The following PCDHA8 variants were observed in gnomAD, a reference collection of about 807,000 sequenced individuals.
PCDHA8 encodes protocadherin alpha 8, also known as protocadherin alpha-8.
In PCDHA8, 53 loss-of-function variants were observed where a neutral mutation model predicts 61.8. The ratio of observed to expected loss-of-function variants is 0.86; its 90% CI spans 0.69 to 1.08. PCDHA8 has a LOEUF of 1.08. Ranked by LOEUF, PCDHA8 falls within the 50% of genes least tolerant of loss-of-function variation. The pLI is 0.00. For missense variants in PCDHA8, 1,293 were observed against 1,245.0 expected, an observed-to-expected ratio of 1.04 and a Z score of -0.58; for synonymous variants, 618 against 556.6, an observed-to-expected ratio of 1.11 and a Z score of -1.55.
chr5:140,876,873 C>G (rs781921402), intron 1 of PCDHA8: 1 of 1,614,128 alleles, frequency 6.2e-7, no homozygotes, highest in Non-Finnish European at 8.5e-7. Context: ...TGAAGGAGAA[C>G]AACCCGCCGG....
intron 1 of PCDHA8, among the ~76,000 whole-genome samples, chr5:140,921,271 A>C (rs1190111273): frequency 1.3e-5 from 2 of 152,142 alleles, no homozygotes; most frequent in East Asian, 1.9e-4. Flanking sequence ...TTTTATACTT[A>C]CTTGAAAAAA....
At chr5:140,929,530 G>A in intron 1 of PCDHA8, 1 of 636,248 alleles carries the variant, frequency 1.6e-6, no homozygotes, top group Non-Finnish European at 2.3e-6. Flanking sequence ...GTTTATTTTT[G>A]AGAAACAAGG....
At position 140,856,180 on chromosome 5, in the gene PCDHA8, G is replaced by C; in HGVS notation, c.2394+12465G>C. ...AGGAGGCCAGACACGGCACCTTCGT[G>C]GGCCGCATCGCGCAGGACCTGGGGC... On this transcript the variant is annotated intron_variant, in intron 1 of 3. Coordinates refer to ENST00000531613, the MANE Select transcript of PCDHA8 (RefSeq NM_018911.3). The C allele has an allele frequency of 3.1e-6, 5 of 1,598,262 alleles. 1 individual carries two copies. Among genetic ancestry groups the C allele is most frequent in the Non-Finnish European group, 4.3e-6 (5 of 1,167,898 alleles).
At chr5:140,938,538 AT>A (rs1278860544) in intron 1 of PCDHA8, among the ~76,000 whole-genome samples, 1 of 135,490 alleles carries the variant, frequency 7.4e-6, no homozygotes, top group Non-Finnish European at 1.6e-5. Context: ...GATAATATGG[AT>A]TTTTATCCTT....
chr5:140,969,147 A>G (rs781909774), intron 1 of PCDHA8: 1 of 1,614,172 alleles, frequency 6.2e-7, no homozygotes, highest in Non-Finnish European at 8.5e-7. Flanking sequence ...TACTGCTACA[A>G]GGCCTGTCTG....
chr5:140,943,491 G>A (rs1387185924), intron 1 of PCDHA8, among the ~76,000 whole-genome samples: 4 of 151,986 alleles, frequency 2.6e-5, no homozygotes, highest in Non-Finnish European at 5.9e-5. Context: ...ATAAATAGAT[G>A]CTATCAAGGT....
At chr5:140,875,397 G>T in intron 1 of PCDHA8, 2 of 1,480,686 alleles carry the variant, frequency 1.4e-6, no homozygotes, top group South Asian at 1.4e-5. Flanking sequence ...AGAAAAGGGT[G>T]ACTGCTCATA....
intron 1 of PCDHA8, chr5:140,927,190 G>A (rs1554204161): frequency 6.2e-7 from 1 of 1,614,156 alleles, no homozygotes; most frequent in South Asian, 1.1e-5. Context: ...CTACGACCTG[G>A]TGCTCGAGGA....
chr5:140,971,999 A>G (rs543282950), intron 1 of PCDHA8, among the ~76,000 whole-genome samples: 18 of 152,302 alleles, frequency 1.2e-4, no homozygotes, highest in African/African-American at 3.8e-4. Flanking sequence ...TCCAATGTTT[A>G]TATTCCCTTT....
chr5:140,857,164 C>A (rs782269515), intron 1 of PCDHA8: 3 of 1,598,230 alleles, frequency 1.9e-6, no homozygotes, highest in South Asian at 1.1e-5. Context: ...CCCTAATCAG[C>A]GTTTCTGACC....
chr5:140,849,989 G>T lies in PCDHA8; in HGVS notation c.2394+6274G>T, dbSNP rs150286933. On this transcript the variant is annotated intron_variant, in intron 1 of 3. Transcript: ENST00000531613. ...TGTCCTACTCGCTGGTGGAGCGGCG[G>T]TTGGGCGAGCGCTCGCTGTCGAGCT... The T allele has an allele frequency of 5.0e-4, 791 of 1,597,330 alleles. 42 individuals carry two copies. The African/African-American group carries it at 9.7e-3, about 20-fold the overall frequency.
intron 1 of PCDHA8, among the ~76,000 whole-genome samples, chr5:140,920,775 T>G (rs1007654952): frequency 5.4e-5 from 8 of 147,470 alleles, no homozygotes; most frequent in African/African-American, 1.8e-4. Context: ...ACCTGGGAGG[T>G]GGAGGTTGCA....
chr5:140,916,303 A>G (rs2077518127), intron 1 of PCDHA8, among the ~76,000 whole-genome samples: 1 of 152,176 alleles, frequency 6.6e-6, no homozygotes, highest in Admixed American at 6.5e-5. Context: ...ACTGGTACCA[A>G]AGGTGCAAGA....
intron 1 of PCDHA8, among the ~76,000 whole-genome samples, chr5:140,898,705 A>C (rs1351081569): frequency 1.3e-5 from 2 of 152,142 alleles, no homozygotes; most frequent in Admixed American, 1.3e-4. Flanking sequence ...ACTTTAAAGT[A>C]GTTTTTTCCA....
chr5:140,858,817 G>A (rs1212820522), intron 1 of PCDHA8: 1 of 345,356 alleles, frequency 2.9e-6, no homozygotes, highest in Non-Finnish European at 5.3e-6. Context: ...TGATTTGATT[G>A]TATTTGCATT....
chr5:140,909,684 G>A (rs2074634664), intron 1 of PCDHA8, among the ~76,000 whole-genome samples: 1 of 152,220 alleles, frequency 6.6e-6, no homozygotes, highest in Non-Finnish European at 1.5e-5. Context: ...GGGAGCCAAT[G>A]TGGGGGTTCT....
chr5:140,852,884 T>TA lies in PCDHA8; in HGVS notation c.2394+9170dup, dbSNP rs1237249071. On this transcript the variant is annotated intron_variant, in intron 1 of 3. Transcript: ENST00000531613. ...CTATGTCATCAATAATCATAAAACG[T>TA]ATTTTTTTTTTTGAGTCAGAGTCTC... The TA allele has an allele frequency of 2.1e-6, 2 of 931,694 alleles. 1 individual carries two copies. The highest frequency in any genetic ancestry group is 3.6e-5 in the African/African-American group (2 of 55,516). The allele number at this position is 931,694 out of a possible 1,614,324, so 57.7% of individuals were successfully genotyped here.
Position 140,925,641 on chromosome 5 carries a change from T to TATAATAATAATA in PCDHA8, c.2395-53282_2395-53271dup, listed in dbSNP as rs10569930. On this transcript the variant is annotated intron_variant, in intron 1 of 3. Coordinates refer to ENST00000531613, the MANE Select transcript of PCDHA8 (RefSeq NM_018911.3). ...TGCACATGTACCCTAGAACTTAAAG[T>TATAATAATAATA]ATAATAATAATAATAATAATAATAA... 2.2e-3 allele frequency among the ~76,000 whole-genome samples: 310 copies of TATAATAATAATA among 143,350 alleles called. 1 individual carries two copies. The highest frequency in any genetic ancestry group is 2.8e-3 in the East Asian group (14 of 4,930). 94.0% of individuals were successfully genotyped at this position (143,350 alleles called of 152,430 possible).
chr5:140,965,539 T>C (rs1554227755), intron 1 of PCDHA8, among the ~76,000 whole-genome samples: 1 of 152,034 alleles, frequency 6.6e-6, no homozygotes, highest in East Asian at 1.9e-4. Context: ...GGAATCCAAA[T>C]TCCAGCCTGG....
Sources: allele counts gnomAD v4.1 joint callset (sites outside exome capture counted in the v4.1 genomes callset), GRCh38; gene constraint gnomAD v4.1.1; transcripts MANE v1.5; gene names NCBI Gene and HGNC (gene_info 2026-07-23, HGNC 2026-07-21).